Variants in RUNDC3B observed in about 807,000 individuals in gnomAD.
RUNDC3B encodes the protein RUN domain containing 3B, also known as RUN domain-containing protein 3B.
RUNDC3B carries 33 observed loss-of-function variants against 58.4 expected under a neutral mutation model. The observed-to-expected ratio is 0.56, with a 90% CI of 0.43 to 0.75. The LOEUF (loss-of-function observed/expected upper bound fraction) is 0.75, where lower values mean the gene tolerates loss of function less well. Ranked by LOEUF, RUNDC3B falls within the 30% of genes least tolerant of loss-of-function variation. The pLI is 0.00. For synonymous variants in RUNDC3B, 193 were observed against 195.2 expected, an observed-to-expected ratio of 0.99 and a Z score of 0.10; for missense variants, 501 against 535.7, an observed-to-expected ratio of 0.94 and a Z score of 0.64.
intron 8 of RUNDC3B, among the ~76,000 whole-genome samples, chr7:87,801,640 A>G (rs549724908): frequency 2.6e-5 from 4 of 152,222 alleles, no homozygotes; most frequent in Non-Finnish European, 4.4e-5. Context: ...GTTGTGGCAC[A>G]TACCTGTAGT....
At chr7:87,635,593 A>C (rs1430620658) in intron 1 of RUNDC3B, among the ~76,000 whole-genome samples, 1 of 152,174 alleles carries the variant, frequency 6.6e-6, no homozygotes, top group Non-Finnish European at 1.5e-5. Flanking sequence ...TTCTAGCTCT[A>C]CTATGCCACT....
intron 3 of RUNDC3B, among the ~76,000 whole-genome samples, chr7:87,704,290 G>T (rs1439384045): frequency 6.6e-6 from 1 of 152,006 alleles, no homozygotes; most frequent in Non-Finnish European, 1.5e-5. Flanking sequence ...TAAGGTTTAG[G>T]CTAAGGTTAA....
chr7:87,822,830 T>C (rs1253485905), intron 10 of RUNDC3B, among the ~76,000 whole-genome samples: 2 of 152,002 alleles, frequency 1.3e-5, no homozygotes, highest in African/African-American at 2.4e-5. Flanking sequence ...TAGGTGGGAA[T>C]TGAACAATGA....
At chr7:87,750,887 G>C (rs1237561622) in intron 6 of RUNDC3B, among the ~76,000 whole-genome samples, 1 of 151,568 alleles carries the variant, frequency 6.6e-6, no homozygotes, top group Non-Finnish European at 1.5e-5. Flanking sequence ...AGTTTAATTA[G>C]ATCTCATTTG....
intron 2 of RUNDC3B, among the ~76,000 whole-genome samples, chr7:87,668,482 C>T (rs946979818): frequency 6.6e-6 from 1 of 151,856 alleles, no homozygotes; most frequent in Non-Finnish European, 1.5e-5. Flanking sequence ...TCTCAGTTTC[C>T]TTCAGTTCAG....
intron 2 of RUNDC3B, chr7:87,659,159 C>A: frequency 2.5e-6 from 1 of 402,220 alleles, no homozygotes; most frequent in Non-Finnish European, 4.9e-6. Context: ...GAGACCCTGT[C>A]TCAAAACAAA....
intron 10 of RUNDC3B, among the ~76,000 whole-genome samples, chr7:87,821,263 G>C (rs201223636): frequency 0.062 from 9,381 of 151,488 alleles, 376 homozygotes; most frequent in African/African-American, 0.099. Flanking sequence ...AACAGAGAGC[G>C]AAATCATGAG....
At chr7:87,709,431 A>G (rs1312213107) in intron 3 of RUNDC3B, 1 of 985,380 alleles carries the variant, frequency 1.0e-6, no homozygotes, top group African/African-American at 1.7e-5. Context: ...GCTACAGCTA[A>G]CTGCAGGTTC....
chr7:87,828,168 TTTTC>T (rs1390575542), intron 10 of RUNDC3B, among the ~76,000 whole-genome samples: 1 of 151,196 alleles, frequency 6.6e-6, no homozygotes, highest in Non-Finnish European at 1.5e-5. Flanking sequence ...TGAAATTAAA[TTTTC>T]TTTTTTAAAA....
At chr7:87,774,456 T>TA (rs1834506266) in intron 7 of RUNDC3B, among the ~76,000 whole-genome samples, 2 of 151,900 alleles carry the variant, frequency 1.3e-5, no homozygotes, top group South Asian at 4.2e-4. Flanking sequence ...TTGCAAAAAT[T>TA]AATGAAATAA....
At chr7:87,826,370 A>G (rs1386381821) in intron 10 of RUNDC3B, among the ~76,000 whole-genome samples, 1 of 149,470 alleles carries the variant, frequency 6.7e-6, no homozygotes, top group East Asian at 1.9e-4. Context: ...CACCATGATC[A>G]TGAGGCTTCC....
intron 2 of RUNDC3B, among the ~76,000 whole-genome samples, chr7:87,685,299 A>G (rs1454185205): frequency 6.6e-6 from 1 of 152,222 alleles, no homozygotes; most frequent in East Asian, 1.9e-4. Flanking sequence ...TATTTCATCA[A>G]AGAAGATACA....
intron 8 of RUNDC3B, among the ~76,000 whole-genome samples, chr7:87,782,750 G>T (rs1327252552): frequency 6.6e-6 from 1 of 151,986 alleles, no homozygotes; most frequent in African/African-American, 2.4e-5. Flanking sequence ...TAAGTTGTTT[G>T]GTGCCAATGT....
intron 4 of RUNDC3B, among the ~76,000 whole-genome samples, chr7:87,733,361 A>C (rs1831714021): frequency 6.6e-6 from 1 of 152,196 alleles, no homozygotes; most frequent in Non-Finnish European, 1.5e-5. Flanking sequence ...TTGTATTTAC[A>C]ATAATTAGGA....
At chr7:87,638,345 T>TGTGTGTGTG (rs1822035831) in intron 1 of RUNDC3B, among the ~76,000 whole-genome samples, 1 of 144,696 alleles carries the variant, frequency 6.9e-6, no homozygotes, top group African/African-American at 2.6e-5. Flanking sequence ...AAGTATGTGT[T>TGTGTGTGTG]TGTGTGTGTG....
chr7:87,648,576 G>A (rs892416216), intron 1 of RUNDC3B, among the ~76,000 whole-genome samples: 6 of 151,768 alleles, frequency 4.0e-5, no homozygotes, highest in Admixed American at 3.9e-4. Flanking sequence ...TTGTATAAAT[G>A]AGAAGAATGA....
At chr7:87,793,650 T>G (rs911583284) in intron 8 of RUNDC3B, among the ~76,000 whole-genome samples, 2 of 152,018 alleles carry the variant, frequency 1.3e-5, no homozygotes, top group Non-Finnish European at 2.9e-5. Flanking sequence ...AAAAAAACAC[T>G]CAAAAAACTG....
At chr7:87,724,252 C>T (rs568455366) in intron 4 of RUNDC3B, among the ~76,000 whole-genome samples, 40 of 151,904 alleles carry the variant, frequency 2.6e-4, no homozygotes, top group African/African-American at 4.4e-4. Flanking sequence ...TGTCACCTGC[C>T]GTGGGGATAC....
At chr7:87,652,940 G>C (rs755516351) in intron 2 of RUNDC3B, among the ~76,000 whole-genome samples, 1 of 151,854 alleles carries the variant, frequency 6.6e-6, no homozygotes, top group Non-Finnish European at 1.5e-5. Flanking sequence ...TGAAGTAAAA[G>C]GACATTTGTT....
Sources: gnomAD v4.1 joint callset for allele counts (sites outside exome capture counted in the v4.1 genomes callset) on GRCh38, gnomAD v4.1.1 for gene constraint, MANE v1.5 for transcripts, NCBI Gene and HGNC (gene_info 2026-07-23, HGNC 2026-07-21) for gene names.